Variants in EYS observed in about 807,000 individuals in gnomAD.
The protein encoded by EYS is protein eyes shut homolog.
A neutral mutation model predicts 282.1 loss-of-function variants in EYS; 250 were observed. That is an observed-to-expected ratio of 0.89 (90% CI 0.80 to 0.98). EYS has a LOEUF of 0.98. EYS is among the 50% of genes least tolerant of loss of function. EYS has a pLI of 0.00. For missense variants in EYS, 4,016 were observed against 3,709.0 expected (o/e 1.08, Z -2.15); for synonymous variants, 1,355 against 1,282.9 (o/e 1.06, Z -1.20).
intron 31 of EYS, among the ~76,000 whole-genome samples, chr6:64,214,925 C>A (rs1355535780): frequency 6.6e-6 from 1 of 151,836 alleles, no homozygotes; most frequent in Non-Finnish European, 1.5e-5. Context: ...TTATGCAAAT[C>A]TGATTGAGAT....
intron 22 of EYS, among the ~76,000 whole-genome samples, chr6:64,635,331 T>C (rs893179992): frequency 1.3e-5 from 2 of 152,182 alleles, no homozygotes; most frequent in Admixed American, 6.6e-5. Flanking sequence ...TCCCGCCTGA[T>C]TGCCCTGGCC....
chr6:64,421,208 A>C (rs879171264), intron 28 of EYS, among the ~76,000 whole-genome samples: 1 of 152,188 alleles, frequency 6.6e-6, no homozygotes, highest in African/African-American at 2.4e-5. Context: ...CCTTCTTCAC[A>C]TGGCAGCAGG....
chr6:63,721,620 A>T lies in EYS; in HGVS notation c.8411T>A (p.Val2804Glu), dbSNP rs1768395203. The T allele has an allele frequency of 1.9e-6, 3 of 1,551,296 alleles. No individual in the cohort carries two copies. The East Asian group carries it at 7.3e-5, about 38-fold the overall frequency. Residue 2804 changes from valine (V) to glutamate (E), a missense_variant, in exon 43 of 43, where the codon GTA (valine) becomes GAA (glutamate). By Grantham distance (121) the Val-to-Glu change is moderately radical (BLOSUM62 -2). Coordinates refer to ENST00000503581, the MANE Select transcript of EYS (RefSeq NM_001142800.2). ...CATTTTAGTGGAGGCCTTTTCTGTT[A>T]CATTTATCCCATCTAGATCCAGGTA... The part of the protein sequence containing the change: ...EGYLDLDGIN[V>E]TEKASTKMSS...
At chr6:64,725,059 G>T (rs920903484) in intron 22 of EYS, among the ~76,000 whole-genome samples, 23 of 152,024 alleles carry the variant, frequency 1.5e-4, no homozygotes, top group African/African-American at 4.8e-4. Flanking sequence ...AAATAAAGAA[G>T]AAAGTAAAAG....
intron 34 of EYS, among the ~76,000 whole-genome samples, chr6:63,991,375 T>C (rs564029362): frequency 6.6e-6 from 1 of 151,532 alleles, no homozygotes; most frequent in Admixed American, 6.6e-5. Context: ...AAAATAGATC[T>C]CCAGGAGACA....
At chr6:65,239,953 T>A (rs1035271015) in intron 12 of EYS, among the ~76,000 whole-genome samples, 2 of 149,766 alleles carry the variant, frequency 1.3e-5, no homozygotes, top group Non-Finnish European at 3.0e-5. Flanking sequence ...ATCCATGTAT[T>A]TGTAGCATAT....
chr6:64,289,745 G>GTGAA lies in EYS; in HGVS notation c.6191+17221_6191+17224dup, dbSNP rs1273288572. Among the ~76,000 whole-genome samples, 5 of 152,150 alleles carry GTGAA rather than the reference G, an allele frequency of 3.3e-5. No homozygotes were observed. In the East Asian group the frequency reaches 9.6e-4, roughly 29 times the overall value. ...AGTAAAAGGTCAATATATATTTACT[G>GTGAA]TGAATAAATGAATGAATGAATGAAT... On this transcript the variant is annotated intron_variant, in intron 30 of 42. Coordinates refer to ENST00000503581, the MANE Select transcript of EYS (RefSeq NM_001142800.2).
intron 29 of EYS, among the ~76,000 whole-genome samples, chr6:64,361,698 T>C (rs965765654): frequency 7.9e-5 from 12 of 151,894 alleles, no homozygotes; most frequent in African/African-American, 2.7e-4. Flanking sequence ...GCATTTTTTT[T>C]CTTCAAAGTT....
chr6:64,106,456 T>C (rs939944033), intron 31 of EYS, among the ~76,000 whole-genome samples: 4 of 152,082 alleles, frequency 2.6e-5, no homozygotes, highest in African/African-American at 4.8e-5. Flanking sequence ...TTCTGAACAC[T>C]TTAAATATTT....
At chr6:63,875,135 A>G (rs1772933749) in intron 35 of EYS, among the ~76,000 whole-genome samples, 1 of 152,174 alleles carries the variant, frequency 6.6e-6, no homozygotes, top group East Asian at 1.9e-4. Context: ...TATTATTTTG[A>G]GATATGTCCC....
chr6:64,947,738 T>G (rs1447289396), intron 14 of EYS, among the ~76,000 whole-genome samples: 2 of 151,648 alleles, frequency 1.3e-5, no homozygotes, highest in Non-Finnish European at 3.0e-5. Flanking sequence ...GAATGTGCTA[T>G]TTAAAATGAA....
chr6:65,358,823 A>G (rs1764592924), intron 8 of EYS, among the ~76,000 whole-genome samples: 2 of 152,054 alleles, frequency 1.3e-5, no homozygotes, highest in South Asian at 4.1e-4. Context: ...AGTAAACAAT[A>G]GGTGTTTATA....
intron 31 of EYS, among the ~76,000 whole-genome samples, chr6:64,151,321 A>T (rs1282249132): frequency 0.064 from 3,177 of 49,280 alleles, 354 homozygotes; most frequent in African/African-American, 0.22. Context: ...GTATATTTAT[A>T]TATATATATA....
At chr6:64,903,098 A>C (rs942025621) in intron 16 of EYS, among the ~76,000 whole-genome samples, 2 of 152,080 alleles carry the variant, frequency 1.3e-5, no homozygotes, top group Admixed American at 6.6e-5. Context: ...GTCAGAAAAA[A>C]CCTGCATGAT....
chr6:63,883,714 T>C (rs1773191441), intron 35 of EYS, among the ~76,000 whole-genome samples: 1 of 152,220 alleles, frequency 6.6e-6, no homozygotes. Flanking sequence ...TAACCTCTGC[T>C]TTTGGGGGAA....
At chr6:64,023,482 ATT>A (rs1769293096) in intron 33 of EYS, among the ~76,000 whole-genome samples, 1 of 152,228 alleles carries the variant, frequency 6.6e-6, no homozygotes, top group Non-Finnish European at 1.5e-5. Context: ...GTACACTTAT[ATT>A]TTACACTTTA....
chr6:64,317,569 A>G (rs1227470062), intron 29 of EYS, among the ~76,000 whole-genome samples: 1 of 152,150 alleles, frequency 6.6e-6, no homozygotes. Context: ...AAACGCTTTT[A>G]CACTGTTGGT....
chr6:65,274,909 G>GGAGA lies in EYS; in HGVS notation c.2023+20950_2023+20953dup, dbSNP rs3042964. 8.8e-3 allele frequency among the ~76,000 whole-genome samples: 1,311 copies of GGAGA among 148,502 alleles called. 6 individuals carry two copies. The highest frequency in any genetic ancestry group is 0.011 in the Non-Finnish European group (752 of 67,116). The stretch of plus-strand genomic sequence containing the variant: ...GGTTCCTCCTACAGCCAAAAAAAAA[G>GGAGA]GAGAGAGAGAGAGAGAGAGAGAGAG... On this transcript the variant is annotated intron_variant, in intron 12 of 42. Transcript: ENST00000503581.
intron 35 of EYS, among the ~76,000 whole-genome samples, chr6:63,932,564 G>A (rs1764928031): frequency 6.6e-6 from 1 of 152,046 alleles, no homozygotes; most frequent in Admixed American, 6.6e-5. Context: ...AATATTTGAT[G>A]TTCTTTCTTC....
Sources: gnomAD v4.1 joint callset for allele counts (sites outside exome capture counted in the v4.1 genomes callset) on GRCh38, gnomAD v4.1.1 for gene constraint, MANE v1.5 for transcripts, NCBI Gene and HGNC (gene_info 2026-07-23, HGNC 2026-07-21) for gene names.